Variants in CACNB2 observed in about 807,000 individuals in gnomAD.
CACNB2 encodes voltage-dependent L-type calcium channel subunit beta-2.
A neutral mutation model predicts 73.3 loss-of-function variants in CACNB2; 42 were observed. The observed-to-expected ratio is 0.57, with a 90% confidence interval of 0.45 to 0.74. The LOEUF (loss-of-function observed/expected upper bound fraction) is 0.74, where lower values mean the gene tolerates loss of function less well. CACNB2 is among the 30% of genes least tolerant of loss of function. The pLI, the probability that CACNB2 is intolerant of heterozygous loss-of-function variation, is 0.00. For synonymous variants in CACNB2, 348 were observed against 310.3 expected, an observed-to-expected ratio of 1.12 and a Z score of -1.28; for missense variants, 940 against 853.0, an observed-to-expected ratio of 1.10 and a Z score of -1.27.
intron 2 of CACNB2, among the ~76,000 whole-genome samples, chr10:18,333,533 C>G (rs1361259147): frequency 6.6e-6 from 1 of 150,902 alleles, no homozygotes; most frequent in Non-Finnish European, 1.5e-5. Context: ...TGTTTTTTTA[C>G]TATGGCATGT....
chr10:18,395,403 T>C (rs1361397862), intron 2 of CACNB2, among the ~76,000 whole-genome samples: 1 of 152,146 alleles, frequency 6.6e-6, no homozygotes, highest in Non-Finnish European at 1.5e-5. Context: ...TTATCTCAGC[T>C]TTTTTTCTTG....
In CACNB2 at chr10:18,539,598, C is replaced by G; in HGVS notation, c.1857C>G (p.Asn619Lys). 1.2e-6 allele frequency: 2 copies of G among 1,613,620 alleles called. No homozygotes were observed. The highest frequency in any genetic ancestry group is 4.5e-5 in the East Asian group (2 of 44,820). ...SRDVDREQDH[N>K]ECNKQRSRHK... ...ACGTGGATCGAGAGCAGGACCACAA[C>G]GAGTGCAACAAGCAGCGCAGCCGTC... The change falls in exon 14 of 14, where the codon AAC becomes AAG. Residue 619 changes from asparagine (N) to lysine (K), a missense_variant. Transcript: ENST00000324631.
chr10:18,280,673 A>G (rs143039682), intron 2 of CACNB2, among the ~76,000 whole-genome samples: 1 of 152,204 alleles, frequency 6.6e-6, no homozygotes, highest in Non-Finnish European at 1.5e-5. Flanking sequence ...CTTCACTACC[A>G]GTCAGTACCT....
chr10:18,508,448 C>T (rs1306386721), intron 6 of CACNB2, among the ~76,000 whole-genome samples: 1 of 152,150 alleles, frequency 6.6e-6, no homozygotes, highest in Non-Finnish European at 1.5e-5. Flanking sequence ...ATAAACCTTA[C>T]ACTCTTATAT....
Position 18,315,967 on chromosome 10 carries a change from T to C in CACNB2, c.214-85957T>C, listed in dbSNP as rs143034654. ...CAGTAGCAAAATCATTAGGAAGTTATGAGTTTTGAGTATTGTCTTTGTTTT... is the reference window on the plus strand; with the variant it reads ...CAGTAGCAAAATCATTAGGAAGTTACGAGTTTTGAGTATTGTCTTTGTTTT... On this transcript the variant is annotated intron_variant, in intron 2 of 13. Transcript: ENST00000324631. Among the ~76,000 whole-genome samples, 481 of 152,246 alleles carry C rather than the reference T, an allele frequency of 3.2e-3. 3 individuals are homozygous for C. The highest frequency in any genetic ancestry group is 4.6e-3 in the Admixed American group (71 of 15,294).
chr10:18,198,687 G>T (rs1188317498), intron 2 of CACNB2, among the ~76,000 whole-genome samples: 2 of 152,098 alleles, frequency 1.3e-5, no homozygotes, highest in East Asian at 3.9e-4. Flanking sequence ...GGCCAAATTG[G>T]TTTTCTACTC....
intron 2 of CACNB2, among the ~76,000 whole-genome samples, chr10:18,234,751 G>A (rs1458620321): frequency 6.6e-6 from 1 of 152,210 alleles, no homozygotes; most frequent in African/African-American, 2.4e-5. Flanking sequence ...CATGAGTACG[G>A]AGTTCAGTTT....
rs574152123 is a variant in CACNB2 at position 18,500,682 on chromosome 10, T to G, written c.457-130T>G. On this transcript the variant is annotated intron_variant, in intron 4 of 13. Coordinates refer to ENST00000324631, the MANE Select transcript of CACNB2 (RefSeq NM_201596.3). ...ATGTGAAACCCATGAGCCGAAGGGT[T>G]TCTTGAATGATAATATTTAAGGCAT... The G allele has an allele frequency of 1.9e-4, 182 of 939,604 alleles. 2 individuals carry two copies. In the African/African-American group the frequency reaches 2.4e-3, roughly 12 times the overall value. The allele number at this position is 939,604 out of a possible 1,614,324, so 58.2% of individuals were successfully genotyped here. A position where few individuals can be genotyped will look rare whatever the true frequency, so the allele number is the denominator to read the frequency against.
intron 2 of CACNB2, among the ~76,000 whole-genome samples, chr10:18,382,930 G>T (rs2043078311): frequency 6.6e-6 from 1 of 152,118 alleles, no homozygotes; most frequent in Non-Finnish European, 1.5e-5. Flanking sequence ...GGGTTAAATG[G>T]CATTTCTGGT....
At chr10:18,247,414 A>G (rs919915703) in intron 2 of CACNB2, among the ~76,000 whole-genome samples, 2 of 152,206 alleles carry the variant, frequency 1.3e-5, no homozygotes, top group African/African-American at 4.8e-5. Flanking sequence ...TCATAAGCCA[A>G]AATAGAACCA....
At chr10:18,537,357 T>A (rs900494591) in intron 12 of CACNB2, among the ~76,000 whole-genome samples, 1 of 152,226 alleles carries the variant, frequency 6.6e-6, no homozygotes, top group African/African-American at 2.4e-5. Context: ...TGTTAAAATT[T>A]ATAATAAACA....
intron 2 of CACNB2, among the ~76,000 whole-genome samples, chr10:18,195,116 A>G (rs985637335): frequency 6.6e-6 from 1 of 152,184 alleles, no homozygotes; most frequent in African/African-American, 2.4e-5. Context: ...GTTTAAGATG[A>G]CCTCAGGAAT....
intron 2 of CACNB2, among the ~76,000 whole-genome samples, chr10:18,364,043 G>C (rs750345909): frequency 6.6e-6 from 1 of 151,600 alleles, no homozygotes; most frequent in Non-Finnish European, 1.5e-5. Context: ...CGCCTCCCGG[G>C]TTCAAGTGAT....
At chr10:18,474,576 G>C (rs534838497) in intron 3 of CACNB2, among the ~76,000 whole-genome samples, 2 of 152,250 alleles carry the variant, frequency 1.3e-5, no homozygotes, top group Non-Finnish European at 2.9e-5. Flanking sequence ...TTTCTCCTTA[G>C]TAACAGCGCA....
chr10:18,442,966 ATATGTG>A lies in CACNB2; in HGVS notation c.333+40927_333+40932del, dbSNP rs1178764590. On this transcript the variant is annotated intron_variant, in intron 3 of 13. Transcript: ENST00000324631. ...TGTGTATATATATATATGTATATAT[ATATGTG>A]TATATATATATATGTATATATATAT... Among the ~76,000 whole-genome samples, 9 of 24,036 alleles carry A rather than the reference ATATGTG, an allele frequency of 3.7e-4. No homozygotes were observed. The African/African-American group carries it at 4.3e-3, about 11-fold the overall frequency. 15.8% of individuals were successfully genotyped at this position (24,036 alleles called of 152,430 possible). A position where few individuals can be genotyped will look rare whatever the true frequency, so the allele number is the denominator to read the frequency against.
At chr10:18,405,912 C>G (rs918631838) in intron 3 of CACNB2, among the ~76,000 whole-genome samples, 1 of 152,012 alleles carries the variant, frequency 6.6e-6, no homozygotes, top group Non-Finnish European at 1.5e-5. Flanking sequence ...GAGCTGAGAT[C>G]TCTTGCTCTC....
chr10:18,420,330 CAG>C (rs147004230), intron 3 of CACNB2, among the ~76,000 whole-genome samples: 68,281 of 147,152 alleles, frequency 0.46, 15,892 homozygotes, highest in South Asian at 0.61. Flanking sequence ...CACACACACA[CAG>C]AGAGAGAGAG....
chr10:18,229,253 A>T (rs2036134106), intron 2 of CACNB2, among the ~76,000 whole-genome samples: 2 of 152,214 alleles, frequency 1.3e-5, no homozygotes, highest in African/African-American at 4.8e-5. Flanking sequence ...TGAAGACTAA[A>T]TCCATAATTT....
intron 7 of CACNB2, among the ~76,000 whole-genome samples, chr10:18,516,455 TAA>T (rs2051291201): frequency 1.3e-5 from 2 of 152,176 alleles, no homozygotes; most frequent in African/African-American, 4.8e-5. Flanking sequence ...ACTTCAGAAT[TAA>T]AGTCTTGAGA....
Sources: gnomAD v4.1 joint callset for allele counts (sites outside exome capture counted in the v4.1 genomes callset) on GRCh38, gnomAD v4.1.1 for gene constraint, MANE v1.5 for transcripts, NCBI Gene and HGNC (gene_info 2026-07-23, HGNC 2026-07-21) for gene names.